The following CAMTA1 variants were observed in gnomAD, a reference collection of about 807,000 sequenced individuals.
The protein encoded by CAMTA1 is calmodulin binding transcription activator 1, also known as calmodulin-binding transcription activator 1.
A neutral mutation model predicts 170.9 loss-of-function variants in CAMTA1; 27 were observed. That is an observed-to-expected ratio of 0.16 (90% CI 0.12 to 0.22). The LOEUF (loss-of-function observed/expected upper bound fraction) is 0.22, where lower values mean the gene tolerates loss of function less well. Among genes scored for constraint, CAMTA1 ranks in the 10% least tolerant of loss-of-function variants. The pLI is 1.00. For missense variants in CAMTA1, 1,619 were observed against 2,217.2 expected, an observed-to-expected ratio of 0.73 and a Z score of 5.42; for synonymous variants, 833 against 891.5, an observed-to-expected ratio of 0.93 and a Z score of 1.17.
At chr1:6,878,698 T>C (rs1670624364) in intron 3 of CAMTA1, among the ~76,000 whole-genome samples, 1 of 152,234 alleles carries the variant, frequency 6.6e-6, no homozygotes, top group Non-Finnish European at 1.5e-5. Flanking sequence ...TTTGTTCTAG[T>C]TCCGTTGCCA....
chr1:7,334,746 T>C (rs1469138529), intron 5 of CAMTA1, among the ~76,000 whole-genome samples: 1 of 152,190 alleles, frequency 6.6e-6, no homozygotes, highest in Admixed American at 6.5e-5. Flanking sequence ...GCTGACGGTG[T>C]CTGAGGCCTT....
intron 5 of CAMTA1, among the ~76,000 whole-genome samples, chr1:7,297,093 C>CA (rs1330327599): frequency 6.6e-6 from 1 of 152,120 alleles, no homozygotes; most frequent in Non-Finnish European, 1.5e-5. Flanking sequence ...CCTAATTTTG[C>CA]AAAAATAATT....
At chr1:7,667,715 G>A (rs1235021109) in intron 9 of CAMTA1, among the ~76,000 whole-genome samples, 1 of 152,156 alleles carries the variant, frequency 6.6e-6, no homozygotes, top group Non-Finnish European at 1.5e-5. Flanking sequence ...CTCGCCACAC[G>A]AGGGCGGCCC....
chr1:7,340,992 G>A (rs1007622343), intron 5 of CAMTA1, among the ~76,000 whole-genome samples: 2 of 152,210 alleles, frequency 1.3e-5, no homozygotes, highest in Non-Finnish European at 2.9e-5. Context: ...AAGTAGCCTG[G>A]GCTGGCCAGG....
At chr1:6,862,101 T>C (rs1483700992) in intron 3 of CAMTA1, among the ~76,000 whole-genome samples, 1 of 152,132 alleles carries the variant, frequency 6.6e-6, no homozygotes, top group Non-Finnish European at 1.5e-5. Flanking sequence ...TAGCTGGGAT[T>C]ACAGGCTTCT....
intron 3 of CAMTA1, among the ~76,000 whole-genome samples, chr1:7,011,068 G>A (rs1292590389): frequency 3.3e-5 from 5 of 152,214 alleles, no homozygotes; most frequent in African/African-American, 7.2e-5. Context: ...AAGCACTGTC[G>A]TGCGTGGGAG....
chr1:7,429,529 GTGA>G (rs2092053645), intron 5 of CAMTA1, among the ~76,000 whole-genome samples: 1 of 150,968 alleles, frequency 6.6e-6, no homozygotes, highest in African/African-American at 2.4e-5. Context: ...GAAGGTGATG[GTGA>G]TGATGGTGAT....
At chr1:7,140,541 C>A (rs976787421) in intron 4 of CAMTA1, among the ~76,000 whole-genome samples, 2 of 152,034 alleles carry the variant, frequency 1.3e-5, no homozygotes, top group Admixed American at 6.6e-5. Context: ...AGAATTCACC[C>A]AGGAGAATAA....
chr1:7,122,174 T>A (rs1644682940), intron 4 of CAMTA1, among the ~76,000 whole-genome samples: 1 of 152,054 alleles, frequency 6.6e-6, no homozygotes, highest in Admixed American at 6.5e-5. Flanking sequence ...GACTTCTTCC[T>A]CCTTCCACCC....
At chr1:7,039,841 A>G (rs978089647) in intron 3 of CAMTA1, among the ~76,000 whole-genome samples, 2 of 151,966 alleles carry the variant, frequency 1.3e-5, no homozygotes, top group Non-Finnish European at 2.9e-5. Context: ...CATATAATTT[A>G]CTTTCCTGGA....
intron 6 of CAMTA1, among the ~76,000 whole-genome samples, chr1:7,587,421 A>G (rs2095320548): frequency 6.6e-6 from 1 of 152,098 alleles, no homozygotes; most frequent in African/African-American, 2.4e-5. Flanking sequence ...GTCTGCGGTG[A>G]GTCGGCAGCA....
Position 7,249,969 on chromosome 1 carries a change from G to A in CAMTA1, c.438+343G>A, listed in dbSNP as rs895163866. ...TTGCAAAGTGTCAGGGAAGAGGGGA[G>A]GCAGCGTAAGGAACTTCCCTCTTGA... On this transcript the variant is annotated intron_variant, in intron 5 of 22. Coordinates refer to ENST00000303635, the MANE Select transcript of CAMTA1 (RefSeq NM_015215.4). The surrounding 1 kb of genome is among the most constrained non-coding windows in gnomAD (Gnocchi z 4.4). 2.0e-5 allele frequency among the ~76,000 whole-genome samples: 3 copies of A among 152,210 alleles called. No individual in the cohort carries two copies. Among genetic ancestry groups the A allele is most frequent in the Middle Eastern group, 6.8e-3 (2 of 294 alleles).
intron 5 of CAMTA1, among the ~76,000 whole-genome samples, chr1:7,255,665 T>C (rs920918851): frequency 1.2e-4 from 19 of 152,182 alleles, no homozygotes; most frequent in African/African-American, 4.6e-4. Flanking sequence ...GTATTTATTT[T>C]CTCCCTGCTA....
intron 3 of CAMTA1, among the ~76,000 whole-genome samples, chr1:6,858,110 T>C (rs953584122): frequency 2.6e-5 from 4 of 152,204 alleles, no homozygotes; most frequent in Admixed American, 6.5e-5. Context: ...GAAAGAAAGA[T>C]AGGCCAGTCA....
intron 4 of CAMTA1, among the ~76,000 whole-genome samples, chr1:7,105,128 C>G (rs1010141701): frequency 2.6e-5 from 4 of 152,114 alleles, no homozygotes; most frequent in African/African-American, 9.7e-5. Context: ...ATTAATTTTG[C>G]ATTAAATAAT....
chr1:7,661,907 A>T lies in CAMTA1; in HGVS notation c.805+41A>T, dbSNP rs542322941. ...CGGGGCAGGCGGGCGCCACGGGGAC[A>T]GAGGGGCCCTACCAGGCAGCCGTCA... On this transcript the variant is annotated intron_variant, in intron 8 of 22. Transcript: ENST00000303635. 3.5e-5 allele frequency: 54 copies of T among 1,562,654 alleles called. No homozygotes were observed. In the South Asian group the frequency reaches 6.0e-4, roughly 17 times the overall value.
intron 4 of CAMTA1, among the ~76,000 whole-genome samples, chr1:7,140,751 A>C (rs1044296422): frequency 2.6e-5 from 4 of 152,328 alleles, no homozygotes; most frequent in Admixed American, 1.3e-4. Flanking sequence ...ATATAATTAA[A>C]TTTTAAATTC....
intron 3 of CAMTA1, among the ~76,000 whole-genome samples, chr1:6,937,049 G>C (rs369221287): frequency 6.6e-6 from 1 of 150,888 alleles, no homozygotes; most frequent in East Asian, 2.0e-4. Flanking sequence ...CATCACCACC[G>C]TCACCATTAT....
chr1:7,447,225 G>A (rs779991241), intron 5 of CAMTA1, among the ~76,000 whole-genome samples: 25 of 152,184 alleles, frequency 1.6e-4, no homozygotes, highest in Non-Finnish European at 2.5e-4. Flanking sequence ...CACGTGGTGC[G>A]CGTGGATGGT....
Sources: gnomAD v4.1 joint callset for allele counts (sites outside exome capture counted in the v4.1 genomes callset) on GRCh38, gnomAD v4.1.1 for gene constraint, Gnocchi (gnomAD v3.1) non-coding constraint, MANE v1.5 for transcripts, NCBI Gene and HGNC (gene_info 2026-07-23, HGNC 2026-07-21) for gene names.